BTG4: variants seen among roughly 807,000 people sequenced by gnomAD.
BTG4 encodes the protein BTG anti-proliferation factor 4.
A neutral mutation model predicts 19.3 loss-of-function variants in BTG4; 10 were observed. The observed-to-expected ratio is 0.52, with a 90% confidence interval of 0.32 to 0.88. The LOEUF is 0.88. BTG4 is among the 40% of genes least tolerant of loss of function. The pLI is 0.04. For synonymous variants in BTG4, 91 were observed against 95.7 expected, an observed-to-expected ratio of 0.95 and a Z score of 0.29; for missense variants, 238 against 281.9, an observed-to-expected ratio of 0.84 and a Z score of 1.11.
At chr11:111,468,038 A>G (rs746098912) in intron 5 of BTG4, among the ~76,000 whole-genome samples, 2 of 152,224 alleles carry the variant, frequency 1.3e-5, no homozygotes, top group African/African-American at 2.4e-5. Context: ...AGATATGTAG[A>G]TTGGAAGTGC....
chr11:111,498,825 GAAGA>G (rs764811035), intron 1 of BTG4, 23 bp from the exon 2 acceptor site: 16 of 1,464,292 alleles, frequency 1.1e-5, no homozygotes, highest in Non-Finnish European at 1.1e-5. Flanking sequence ...AAGGAAGCAA[GAAGA>G]AATAGAAAGA....
At chr11:111,490,863 G>A (rs986495011), downstream of BTG4, among the ~76,000 whole-genome samples, 1 of 152,290 alleles carries the variant, frequency 6.6e-6, no homozygotes, top group Admixed American at 6.5e-5. Context: ...ACTACTATAT[G>A]ACCCATTAAT....
At chr11:111,442,743 T>C in the BTG4 span, among the ~76,000 whole-genome samples, 1 of 151,786 alleles carries the variant, frequency 6.6e-6, no homozygotes, top group African/African-American at 2.4e-5. Flanking sequence ...ATCTAAAGTA[T>C]GAAATGAATA....
At chr11:111,427,654 G>T in the BTG4 span, among the ~76,000 whole-genome samples, 251 of 152,236 alleles carry the variant, frequency 1.6e-3, 1 homozygote, top group African/African-American at 5.6e-3. Flanking sequence ...AACATGTTTG[G>T]TAACTGTGTC....
the BTG4 span, among the ~76,000 whole-genome samples, chr11:111,437,108 C>T: frequency 6.6e-6 from 1 of 152,170 alleles, no homozygotes; most frequent in Non-Finnish European, 1.5e-5. Flanking sequence ...TGCCTGGCTC[C>T]CAACCTGCTG....
chr11:111,392,049 A>G, the BTG4 span, among the ~76,000 whole-genome samples: 1 of 151,776 alleles, frequency 6.6e-6, no homozygotes, highest in African/African-American at 2.4e-5. Flanking sequence ...TGAGCCCTTC[A>G]TTTTTAAAAT....
the BTG4 span, among the ~76,000 whole-genome samples, chr11:111,445,686 C>A: frequency 6.6e-6 from 1 of 152,182 alleles, no homozygotes; most frequent in Admixed American, 6.5e-5. Context: ...TGAAAAGCAA[C>A]CTGAACTCTA....
In BTG4 at chr11:111,485,063, A is replaced by G. The variant is rs186577524; in HGVS notation, c.662+10100T>C. Among the ~76,000 whole-genome samples the G allele has an allele frequency of 9.8e-4, 149 of 152,310 alleles. 1 individual carries two copies. The highest frequency in any genetic ancestry group is 3.3e-3 in the African/African-American group (139 of 41,584). On this transcript the variant is annotated intron_variant, in intron 5 of 5. Transcript: ENST00000356018. ...GGGGGTCAATTCAACAAAAGCATAT[A>G]ACAATTATAAATATATATGTACCCA... is the stretch of plus-strand genomic sequence containing the variant.
chr11:111,482,070 C>G (rs767741487), intron 5 of BTG4, among the ~76,000 whole-genome samples: 23 of 151,370 alleles, frequency 1.5e-4, no homozygotes, highest in Non-Finnish European at 3.0e-4. Flanking sequence ...ACAGAAAATC[C>G]CAAGCAATCT....
At chr11:111,509,306 A>G (rs1866684563) in intron 1 of BTG4, among the ~76,000 whole-genome samples, 1 of 152,242 alleles carries the variant, frequency 6.6e-6, no homozygotes, top group African/African-American at 2.4e-5. Context: ...GTTTCTAGGT[A>G]TACTATCAAG....
the BTG4 span, among the ~76,000 whole-genome samples, chr11:111,428,015 A>C: frequency 6.6e-6 from 1 of 152,200 alleles, no homozygotes; most frequent in Non-Finnish European, 1.5e-5. Flanking sequence ...AGCCCCCGGC[A>C]AGCAGCTGTG....
At chr11:111,494,755 C>T (rs1305607496), downstream of BTG4, 4 of 470,818 alleles carry the variant, frequency 8.5e-6, no homozygotes, top group East Asian at 6.2e-4. Flanking sequence ...AGGGAGACCC[C>T]TTCTTTACAA....
chr11:111,501,126 T>C (rs899535543), intron 1 of BTG4, among the ~76,000 whole-genome samples: 25 of 152,012 alleles, frequency 1.6e-4, no homozygotes, highest in African/African-American at 4.8e-4. Context: ...GCAAACACTT[T>C]GGTCCCAGGC....
the BTG4 span, chr11:111,404,525 T>C: frequency 0.24 from 107,024 of 452,560 alleles, 13,132 homozygotes; most frequent in East Asian, 0.29. Flanking sequence ...GGGCAGGGAA[T>C]CATCTGACAT....
the BTG4 span, among the ~76,000 whole-genome samples, chr11:111,384,545 T>C: frequency 6.6e-6 from 1 of 152,144 alleles, no homozygotes; most frequent in Non-Finnish European, 1.5e-5. Flanking sequence ...GAAGAAATAT[T>C]TTTAAAGTAT....
chr11:111,466,081 C>T (rs533808417), downstream of BTG4, among the ~76,000 whole-genome samples: 2 of 152,250 alleles, frequency 1.3e-5, no homozygotes, highest in African/African-American at 4.8e-5. Flanking sequence ...ATTTTATATA[C>T]ATTATCTTGT....
At chr11:111,435,530 C>T in the BTG4 span, among the ~76,000 whole-genome samples, 2 of 152,096 alleles carry the variant, frequency 1.3e-5, no homozygotes, top group South Asian at 2.1e-4. Context: ...TGGAGGCAGG[C>T]GAGGAAAGGA....
downstream of BTG4, chr11:111,466,999 C>G (rs1308618659): frequency 6.6e-6 from 1 of 152,638 alleles, no homozygotes; most frequent in Non-Finnish European, 1.5e-5. Context: ...GGATTAAGCA[C>G]CTGGAACAGC....
the BTG4 span, among the ~76,000 whole-genome samples, chr11:111,425,367 C>A: frequency 6.6e-6 from 1 of 152,006 alleles, no homozygotes; most frequent in African/African-American, 2.4e-5. Flanking sequence ...GGAGCCCTGG[C>A]CTCATGGAGC....
Sources: gnomAD v4.1 joint callset for allele counts (sites outside exome capture counted in the v4.1 genomes callset) on GRCh38, gnomAD v4.1.1 for gene constraint, MANE v1.5 for transcripts, NCBI Gene and HGNC (gene_info 2026-07-23, HGNC 2026-07-21) for gene names.